The following SGCZ variants were observed in gnomAD, a reference collection of about 807,000 sequenced individuals.
The protein encoded by SGCZ is zeta-sarcoglycan.
SGCZ carries 40 observed loss-of-function variants against 41.3 expected under a neutral mutation model. That is an observed-to-expected ratio of 0.97 (90% CI 0.75 to 1.26). SGCZ has a LOEUF of 1.26. Among genes scored for constraint, SGCZ ranks in the 50% most tolerant of loss-of-function variants. The pLI is 0.00. For synonymous variants in SGCZ, 206 were observed against 137.5 expected, an observed-to-expected ratio of 1.50 and a Z score of -3.49; for missense variants, 552 against 369.8, an observed-to-expected ratio of 1.49 and a Z score of -4.04.
intron 1 of SGCZ, among the ~76,000 whole-genome samples, chr8:14,730,304 CAG>C (rs1810194864): frequency 6.6e-6 from 1 of 151,966 alleles, no homozygotes; most frequent in South Asian, 2.1e-4. Flanking sequence ...GAAAAATAAA[CAG>C]AACATTTATG....
rs149626816 is a variant in SGCZ, at chr8:15,225,454, T to C, written c.39+12131A>G. On this transcript the variant is annotated intron_variant, in intron 1 of 7. Transcript: ENST00000382080. ...GGAACTGGCATGACTAAGTAGAACTTAGTCGTTCATTGAAGTTATGGTACC... is the reference window on the plus strand; with the variant it reads ...GGAACTGGCATGACTAAGTAGAACTCAGTCGTTCATTGAAGTTATGGTACC... Among the ~76,000 whole-genome samples, 934 of 152,312 alleles carry C rather than the reference T, an allele frequency of 6.1e-3. 13 individuals are homozygous for C. Among genetic ancestry groups the C allele is most frequent in the African/African-American group, 0.021 (883 of 41,582 alleles).
intron 5 of SGCZ, among the ~76,000 whole-genome samples, chr8:14,145,348 C>A (rs938512840): frequency 4.6e-5 from 7 of 152,134 alleles, no homozygotes; most frequent in Admixed American, 2.6e-4. Context: ...TACTAACAAC[C>A]CCTATGACTA....
chr8:15,169,431 C>G (rs1799764773), intron 1 of SGCZ, among the ~76,000 whole-genome samples: 1 of 152,154 alleles, frequency 6.6e-6, no homozygotes, highest in Non-Finnish European at 1.5e-5. Context: ...GGACTCCAGT[C>G]AAACGAGAGT....
chr8:15,163,251 C>T (rs1799566729), intron 1 of SGCZ, among the ~76,000 whole-genome samples: 1 of 152,170 alleles, frequency 6.6e-6, no homozygotes, highest in African/African-American at 2.4e-5. Context: ...ACAAGCATTA[C>T]CACATTGAAT....
At chr8:14,391,218 T>C (rs1401214106) in intron 2 of SGCZ, among the ~76,000 whole-genome samples, 2 of 152,182 alleles carry the variant, frequency 1.3e-5, no homozygotes, top group Non-Finnish European at 2.9e-5. Flanking sequence ...AATGATCTTC[T>C]GTCATCATCA....
At chr8:15,182,528 G>T (rs1800207713) in intron 1 of SGCZ, among the ~76,000 whole-genome samples, 1 of 152,118 alleles carries the variant, frequency 6.6e-6, no homozygotes, top group Admixed American at 6.6e-5. Flanking sequence ...GTAGGTATTT[G>T]TGTATCTAAA....
At chr8:14,315,987 G>C (rs1158966841) in intron 3 of SGCZ, among the ~76,000 whole-genome samples, 1 of 151,804 alleles carries the variant, frequency 6.6e-6, no homozygotes, top group Non-Finnish European at 1.5e-5. Flanking sequence ...TGTAACAAAA[G>C]CGAGTTCTGT....
At chr8:14,624,162 G>A (rs970315056) in intron 1 of SGCZ, among the ~76,000 whole-genome samples, 1 of 151,864 alleles carries the variant, frequency 6.6e-6, no homozygotes, top group African/African-American at 2.4e-5. Context: ...ATTTCTGCAG[G>A]GTCAATGCAG....
intron 1 of SGCZ, among the ~76,000 whole-genome samples, chr8:15,029,684 A>T (rs1803587627): frequency 6.6e-6 from 1 of 152,118 alleles, no homozygotes; most frequent in Admixed American, 6.5e-5. Context: ...TCCATTGTAG[A>T]ATAAGAAAAA....
chr8:14,208,620 C>CT (rs969473762), intron 4 of SGCZ, among the ~76,000 whole-genome samples: 33 of 150,808 alleles, frequency 2.2e-4, no homozygotes, highest in African/African-American at 4.6e-4. Context: ...AGACATTTTT[C>CT]TTTTTTTTTG....
At chr8:14,434,203 A>T (rs1800023535) in intron 2 of SGCZ, among the ~76,000 whole-genome samples, 1 of 152,196 alleles carries the variant, frequency 6.6e-6, no homozygotes. Flanking sequence ...CAATGATCCC[A>T]GCACCATTTG....
chr8:14,389,632 G>C (rs1353491351), intron 2 of SGCZ, among the ~76,000 whole-genome samples: 1 of 151,942 alleles, frequency 6.6e-6, no homozygotes, highest in East Asian at 1.9e-4. Context: ...TGTCTTTATA[G>C]ACTCTTGTAG....
intron 3 of SGCZ, among the ~76,000 whole-genome samples, chr8:14,306,106 A>C (rs1349908315): frequency 1.3e-5 from 2 of 152,344 alleles, no homozygotes; most frequent in East Asian, 1.9e-4. Flanking sequence ...AGTTTTGGGC[A>C]AAGGTTTTTT....
chr8:14,165,665 G>T (rs1159751327), intron 4 of SGCZ, among the ~76,000 whole-genome samples: 1 of 152,110 alleles, frequency 6.6e-6, no homozygotes, highest in African/African-American at 2.4e-5. Flanking sequence ...GCTCTTATCA[G>T]ATAGAACCCA....
intron 1 of SGCZ, among the ~76,000 whole-genome samples, chr8:14,902,592 C>A (rs777320868): frequency 7.9e-5 from 12 of 152,108 alleles, no homozygotes; most frequent in Admixed American, 7.9e-4. Flanking sequence ...TTTGTACTCA[C>A]CATAACATGA....
At position 14,087,131 on chromosome 8, in the gene SGCZ, T is replaced by C. The variant is rs1351314519; in HGVS notation, c.*3312A>G. The stretch of plus-strand genomic sequence containing the variant: ...GAGGTGTATAATTGTCTTAAACTCT[T>C]AGATAAATAATTATGTGCCAAATTA... On this transcript the variant is annotated 3_prime_UTR_variant, in exon 8 of 8. Coordinates refer to ENST00000382080, the MANE Select transcript of SGCZ (RefSeq NM_139167.4). Among the ~76,000 whole-genome samples the C allele has an allele frequency of 6.6e-6, 1 of 151,660 alleles. No homozygotes were observed. The highest frequency in any genetic ancestry group is 1.5e-5 in the Non-Finnish European group (1 of 67,730).
At chr8:14,750,809 T>G (rs28612593) in intron 1 of SGCZ, among the ~76,000 whole-genome samples, 3,841 of 152,290 alleles carry the variant, frequency 0.025, 164 homozygotes, top group African/African-American at 0.088. Context: ...GCAAAATAGT[T>G]TTGCGAAATG....
intron 1 of SGCZ, among the ~76,000 whole-genome samples, chr8:14,835,805 T>C (rs1426573276): frequency 1.3e-5 from 2 of 152,204 alleles, no homozygotes; most frequent in African/African-American, 4.8e-5. Flanking sequence ...AGGGGATTTC[T>C]TTATGTCAGT....
intron 1 of SGCZ, among the ~76,000 whole-genome samples, chr8:15,132,390 C>A (rs1319603673): frequency 6.6e-6 from 1 of 152,152 alleles, no homozygotes; most frequent in Non-Finnish European, 1.5e-5. Flanking sequence ...ACCTCAATCT[C>A]CCCTTATACC....
Sources: gnomAD v4.1 joint callset for allele counts (sites outside exome capture counted in the v4.1 genomes callset) on GRCh38, gnomAD v4.1.1 for gene constraint, MANE v1.5 for transcripts, NCBI Gene and HGNC (gene_info 2026-07-23, HGNC 2026-07-21) for gene names.